SLC5A12: variants seen among roughly 807,000 people sequenced by gnomAD.
SLC5A12 encodes the protein sodium-coupled monocarboxylate transporter 2.
A neutral mutation model predicts 72.7 loss-of-function variants in SLC5A12; 46 were observed. The ratio of observed to expected loss-of-function variants is 0.63; its 90% confidence interval spans 0.50 to 0.81. SLC5A12 has a LOEUF of 0.81. Among genes scored for constraint, SLC5A12 ranks in the 30% least tolerant of loss-of-function variants. SLC5A12 has a pLI of 0.00. For synonymous variants in SLC5A12, 275 were observed against 264.4 expected, an observed-to-expected ratio of 1.04 and a Z score of -0.39; for missense variants, 683 against 740.7, an observed-to-expected ratio of 0.92 and a Z score of 0.90.
chr11:26,671,122 A>C lies in SLC5A12; in HGVS notation c.1837T>G (p.Phe613Val). The change falls in exon 15 of 15, where the codon TTT becomes GTT. Residue 613 changes from phenylalanine (F) to valine (V), a missense_variant. Phe to Val is a conservative substitution (Grantham distance 50, BLOSUM62 -1). Coordinates refer to ENST00000396005, the MANE Select transcript of SLC5A12 (RefSeq NM_178498.4). ...PKDKSYNNMA[F>V]ETTHF Reference sequence around the variant, plus strand: ...TTGCCTTAGAAATGGGTAGTCTCAAATGCCATATTGTTGTAGCTTTTGTCC... The same window carrying C: ...TTGCCTTAGAAATGGGTAGTCTCAACTGCCATATTGTTGTAGCTTTTGTCC... 1 of 1,611,938 alleles carries C rather than the reference A, an allele frequency of 6.2e-7. No homozygotes were observed. Among genetic ancestry groups the C allele is most frequent in the Non-Finnish European group, 8.5e-7 (1 of 1,178,948 alleles).
chr11:26,710,907 A>G (rs374718538), intron 3 of SLC5A12, among the ~76,000 whole-genome samples: 74 of 152,144 alleles, frequency 4.9e-4, no homozygotes, highest in Admixed American at 2.7e-3. Context: ...TAGACTATAA[A>G]TTTTAGTGTA....
At position 26,721,524 on chromosome 11, in the gene SLC5A12, G is replaced by A. The variant is rs1855480262; in HGVS notation, c.191C>T (p.Ala64Val). 6.2e-7 allele frequency: 1 copy of A among 1,614,154 alleles called. No individual in the cohort carries two copies. The highest frequency in any genetic ancestry group is 8.5e-7 in the Non-Finnish European group (1 of 1,180,016). ...AGAAGGGGTCCCCAGGACCGTGACAGCTGACATGAAGCTGGCTGTCAGAGA... is the reference window on the plus strand; with the variant it reads ...AGAAGGGGTCCCCAGGACCGTGACAACTGACATGAAGCTGGCTGTCAGAGA... The part of the protein sequence containing the change: ...GLSLTASFMS[A>V]VTVLGTPSEV... Residue 64 changes from alanine (A) to valine (V), a missense_variant, in exon 1 of 15, where the codon GCT becomes GTT. By Grantham distance (64) the Ala-to-Val change is moderately conservative. Transcript: ENST00000396005.
chr11:26,711,741 A>G (rs1163633965), intron 2 of SLC5A12, among the ~76,000 whole-genome samples: 3 of 152,122 alleles, frequency 2.0e-5, no homozygotes, highest in African/African-American at 7.2e-5. Context: ...TAAGCAACAG[A>G]AGCATATTTT....
chr11:26,707,544 G>T (rs1389076473), intron 4 of SLC5A12, among the ~76,000 whole-genome samples: 2 of 151,506 alleles, frequency 1.3e-5, no homozygotes, highest in East Asian at 3.9e-4. Flanking sequence ...TATTTCTTTG[G>T]ATAGAGTTTC....
intron 9 of SLC5A12, among the ~76,000 whole-genome samples, chr11:26,689,105 A>C (rs2133163078): frequency 6.6e-6 from 1 of 152,054 alleles, no homozygotes; most frequent in Admixed American, 6.5e-5. Context: ...AAAAAAAAAA[A>C]AAAGTGCAGG....
intron 6 of SLC5A12, among the ~76,000 whole-genome samples, chr11:26,702,441 A>G (rs2133193493): frequency 6.6e-6 from 1 of 152,328 alleles, no homozygotes; most frequent in South Asian, 2.1e-4. Flanking sequence ...CTGGGGAAAC[A>G]TTCATAGTGA....
intron 8 of SLC5A12, among the ~76,000 whole-genome samples, chr11:26,695,271 A>C (rs570714934): frequency 6.6e-6 from 1 of 152,260 alleles, no homozygotes; most frequent in South Asian, 2.1e-4. Context: ...TATCAAATAC[A>C]TAGAAGAATA....
rs562093096 is a variant in SLC5A12 at position 26,668,653 on chromosome 11, A to T, written c.*2449T>A. On this transcript the variant is annotated 3_prime_UTR_variant, in exon 15 of 15. Coordinates refer to ENST00000396005, the MANE Select transcript of SLC5A12 (RefSeq NM_178498.4). ...GGAAGACAGTTTCCTGTAGATTCCC[A>T]TCTGCTCTCTACCTGAAACCCTAGA... 2.6e-5 allele frequency: 4 copies of T among 152,142 alleles called. No individual in the cohort carries two copies. The South Asian group carries it at 6.2e-4, about 24-fold the overall frequency. 9.4% of individuals were successfully genotyped at this position (152,142 alleles called of 1,614,324 possible).
At chr11:26,671,511 T>G (rs184446394) in intron 14 of SLC5A12, among the ~76,000 whole-genome samples, 1 of 152,234 alleles carries the variant, frequency 6.6e-6, no homozygotes, top group Admixed American at 6.5e-5. Flanking sequence ...GAAATTTATA[T>G]ACCTCTCATT....
chr11:26,720,752 A>G (rs1037234010), intron 1 of SLC5A12, among the ~76,000 whole-genome samples: 1 of 152,178 alleles, frequency 6.6e-6, no homozygotes, highest in African/African-American at 2.4e-5. Flanking sequence ...CCACTGCCTC[A>G]TTTCCCTCAC....
chr11:26,719,282 T>A (rs1230078076), intron 1 of SLC5A12, among the ~76,000 whole-genome samples: 1 of 152,230 alleles, frequency 6.6e-6, no homozygotes, highest in Non-Finnish European at 1.5e-5. Flanking sequence ...GTAATACTAA[T>A]ATGTGCAGTA....
Position 26,721,698 on chromosome 11 carries a change from A to G in SLC5A12, c.17T>C (p.Phe6Ser). The change falls in exon 1 of 15, where the codon TTT (phenylalanine) becomes TCT (serine). Residue 6 changes from phenylalanine to serine, a missense_variant. Phe to Ser is a radical substitution (Grantham distance 155). Coordinates refer to ENST00000396005, the MANE Select transcript of SLC5A12 (RefSeq NM_178498.4). MEVKN[F>S]AVWDYVVFAA... Reference sequence around the variant, plus strand: ...AAATACAACATAATCCCAAACTGCAAAGTTCTTCACCTCCATATTGGAAAG... The same window carrying G: ...AAATACAACATAATCCCAAACTGCAGAGTTCTTCACCTCCATATTGGAAAG... 1 of 1,613,604 alleles carries G rather than the reference A, an allele frequency of 6.2e-7. No homozygotes were observed. The highest frequency in any genetic ancestry group is 8.5e-7 in the Non-Finnish European group (1 of 1,179,812).
chr11:26,714,792 C>A (rs549837323), intron 1 of SLC5A12, among the ~76,000 whole-genome samples: 17 of 152,228 alleles, frequency 1.1e-4, no homozygotes, highest in Admixed American at 1.0e-3. Flanking sequence ...CTTGGCAGAA[C>A]TGTGACTCCA....
intron 1 of SLC5A12, among the ~76,000 whole-genome samples, chr11:26,720,653 A>G (rs562679079): frequency 7.9e-5 from 12 of 152,212 alleles, no homozygotes; most frequent in Non-Finnish European, 1.6e-4. Flanking sequence ...ATTAATAGAA[A>G]CTTATGTTTG....
At chr11:26,709,151 A>T in intron 4 of SLC5A12, 161 bp downstream of exon 4, 1 of 499,572 alleles carries the variant, frequency 2.0e-6, no homozygotes, top group East Asian at 3.0e-5. Context: ...AATGTTAAAC[A>T]ACAGCACCTT....
chr11:26,707,258 C>T (rs1179883447), intron 4 of SLC5A12, among the ~76,000 whole-genome samples: 1 of 151,930 alleles, frequency 6.6e-6, no homozygotes, highest in Non-Finnish European at 1.5e-5. Context: ...TTTGTATTTG[C>T]TGTTCTACAG....
intron 13 of SLC5A12, among the ~76,000 whole-genome samples, chr11:26,674,698 T>C (rs1405336685): frequency 6.6e-6 from 1 of 152,162 alleles, no homozygotes; most frequent in Non-Finnish European, 1.5e-5. Context: ...CCACTATGCC[T>C]GGCCCAAAAT....
rs1416433489 is a variant in SLC5A12, at chr11:26,667,305, T to C, written c.*3797A>G. ...TCAAAGGGAACAATTAAGGGGAGAC[T>C]CCTCTATTTTTTCCGTATCTGATCT... is the stretch of plus-strand genomic sequence containing the variant. On this transcript the variant is annotated 3_prime_UTR_variant, in exon 15 of 15. Coordinates refer to ENST00000396005, the MANE Select transcript of SLC5A12 (RefSeq NM_178498.4). 1 of 151,880 alleles carries C rather than the reference T, an allele frequency of 6.6e-6. No individual in the cohort carries two copies. Among genetic ancestry groups the C allele is most frequent in the African/African-American group, 2.4e-5 (1 of 41,404 alleles). The allele number at this position is 151,880 out of a possible 1,614,324, so 9.4% of individuals were successfully genotyped here. A position where few individuals can be genotyped will look rare whatever the true frequency, so the allele number is the denominator to read the frequency against.
In SLC5A12 at chr11:26,692,548, A is replaced by G. The variant is rs531216431; in HGVS notation, c.1094T>C (p.Val365Ala). The change falls in exon 9 of 15, where the codon GTC (valine) becomes GCC (alanine). Residue 365 changes from valine (V) to alanine (A), a missense_variant. By Grantham distance (64) the Val-to-Ala change is moderately conservative. Coordinates refer to ENST00000396005, the MANE Select transcript of SLC5A12 (RefSeq NM_178498.4). ...ALATVTFEDF[V>A]KSCFPHLSDK... ...GGAGAGATGAGGAAAACAGCTCTTG[A>G]CAAAATCCTCAAAGGTCACTGTTGC... 6.2e-7 allele frequency: 1 copy of G among 1,614,110 alleles called. No individual in the cohort carries two copies. The highest frequency in any genetic ancestry group is 8.5e-7 in the Non-Finnish European group (1 of 1,179,950).
Sources: allele counts gnomAD v4.1 joint callset (sites outside exome capture counted in the v4.1 genomes callset), GRCh38; gene constraint gnomAD v4.1.1; transcripts MANE v1.5; gene names NCBI Gene and HGNC (gene_info 2026-07-23, HGNC 2026-07-21).